Variants in FNBP1 observed in about 807,000 individuals in gnomAD.
The protein encoded by FNBP1 is formin binding protein 1.
A neutral mutation model predicts 90.6 loss-of-function variants in FNBP1; 26 were observed. The observed-to-expected ratio is 0.29, with a 90% CI of 0.21 to 0.40. The LOEUF (loss-of-function observed/expected upper bound fraction) is 0.40, where lower values mean the gene tolerates loss of function less well. Among genes scored for constraint, FNBP1 ranks in the 10% least tolerant of loss-of-function variants. The pLI is 1.00. For synonymous variants in FNBP1, 260 were observed against 265.2 expected (o/e 0.98, Z 0.19); for missense variants, 635 against 768.0 (o/e 0.83, Z 2.05).
At chr9:129,901,057 A>C in intron 13 of FNBP1, among the ~76,000 whole-genome samples, 1 of 141,616 alleles carries the variant, frequency 7.1e-6, no homozygotes, top group East Asian at 2.2e-4. Flanking sequence ...TTAAAAATTA[A>C]AGTAGATAAA....
At chr9:130,052,803 A>T in the FNBP1 span, among the ~76,000 whole-genome samples, 3,049 of 152,118 alleles carry the variant, frequency 0.02, 101 homozygotes, top group African/African-American at 0.07. Flanking sequence ...ATGCCACTTA[A>T]CTTTAAAAGA....
chr9:129,891,638 CT>C (rs2035116935), intron 16 of FNBP1, among the ~76,000 whole-genome samples: 1 of 152,096 alleles, frequency 6.6e-6, no homozygotes, highest in Non-Finnish European at 1.5e-5. Context: ...CCGTGAAAAG[CT>C]CTTCATCTCA....
intron 4 of FNBP1, among the ~76,000 whole-genome samples, chr9:129,972,383 C>G (rs141617549): frequency 6.6e-6 from 1 of 152,286 alleles, no homozygotes; most frequent in Admixed American, 6.5e-5. Context: ...ATCCACTCGC[C>G]TCGGCCTCCC....
intron 1 of FNBP1, among the ~76,000 whole-genome samples, chr9:130,012,679 G>A (rs182988365): frequency 1.3e-3 from 197 of 152,184 alleles, no homozygotes; most frequent in South Asian, 2.3e-3. Flanking sequence ...TCGCTCTGTC[G>A]CCCAGGCTGG....
At chr9:129,923,510 T>G (rs1588574470) in intron 10 of FNBP1, among the ~76,000 whole-genome samples, 1 of 140,990 alleles carries the variant, frequency 7.1e-6, no homozygotes, top group African/African-American at 2.7e-5. Flanking sequence ...ACCCGGGAGG[T>G]GGAGGTTGCA....
chr9:129,987,183 C>T (rs7864365), intron 2 of FNBP1, among the ~76,000 whole-genome samples: 147,257 of 152,030 alleles, frequency 0.97, 71,518 homozygotes, highest in East Asian at 1. Context: ...GTCAAAGTGC[C>T]GTAAAGTATG....
chr9:130,030,537 A>G (rs1456365870), intron 1 of FNBP1, among the ~76,000 whole-genome samples: 1 of 152,152 alleles, frequency 6.6e-6, no homozygotes, highest in African/African-American at 2.4e-5. Flanking sequence ...CATCTATAAA[A>G]CAGACTCTAT....
At chr9:130,044,259 T>C (rs1203276129), upstream of FNBP1, among the ~76,000 whole-genome samples, 2 of 152,160 alleles carry the variant, frequency 1.3e-5, no homozygotes, top group Non-Finnish European at 2.9e-5. Flanking sequence ...AGTTAAAAAA[T>C]ATTTTACGAT....
Position 129,895,690 on chromosome 9 carries a change from C to T in FNBP1, c.1846+148G>A. On this transcript the variant is annotated intron_variant, in intron 16 of 16. Coordinates refer to ENST00000446176, the MANE Select transcript of FNBP1 (RefSeq NM_015033.3). Reference sequence around the variant, plus strand: ...AATTCAGGTGCCCAGACCCTGAAGTCCACGTGAGACTACAGGAGAACGTGC... The same window carrying T: ...AATTCAGGTGCCCAGACCCTGAAGTTCACGTGAGACTACAGGAGAACGTGC... 2.3e-6 allele frequency: 3 copies of T among 1,311,142 alleles called. No homozygotes were observed. The South Asian group carries it at 7.0e-5, about 30-fold the overall frequency. 81.2% of individuals were successfully genotyped at this position (1,311,142 alleles called of 1,614,324 possible).
chr9:129,945,192 T>G (rs1203687121), intron 6 of FNBP1, among the ~76,000 whole-genome samples: 1 of 152,216 alleles, frequency 6.6e-6, no homozygotes. Context: ...AATCTTTCAT[T>G]TGAACCTTGA....
intron 10 of FNBP1, 40 bp from the exon 11 acceptor site, chr9:129,916,020 GAAAGAGAGAGAGA>G: frequency 6.8e-7 from 1 of 1,462,362 alleles, no homozygotes; most frequent in South Asian, 1.2e-5. Flanking sequence ...AAAATAGAGA[GAAAGAGAGAGAGA>G]AAGAGAAAAA....
intron 1 of FNBP1, among the ~76,000 whole-genome samples, chr9:130,016,336 C>T (rs2057235368): frequency 6.6e-6 from 1 of 152,158 alleles, no homozygotes; most frequent in Admixed American, 6.6e-5. Flanking sequence ...AGGAGGTGCT[C>T]TTGGCATTGT....
At chr9:129,956,662 C>T (rs1323889020) in intron 6 of FNBP1, among the ~76,000 whole-genome samples, 1 of 152,154 alleles carries the variant, frequency 6.6e-6, no homozygotes, top group East Asian at 1.9e-4. Context: ...AGCAGTGAGA[C>T]TATTGCTCTA....
chr9:129,988,460 C>T (rs1052334509), intron 2 of FNBP1, among the ~76,000 whole-genome samples: 4 of 152,084 alleles, frequency 2.6e-5, no homozygotes, highest in Admixed American at 1.3e-4. Context: ...AGGTGGATCA[C>T]AAGGTCAGGA....
chr9:129,965,051 G>A (rs1031313584), intron 4 of FNBP1, among the ~76,000 whole-genome samples: 9 of 152,198 alleles, frequency 5.9e-5, no homozygotes, highest in African/African-American at 2.2e-4. Context: ...TAAACTCACA[G>A]CGTAGTAGTG....
rs11794733 is a variant in FNBP1 at position 129,957,282 on chromosome 9, C to T, written c.513+78G>A. The T allele has an allele frequency of 2.0e-6, 2 of 1,014,394 alleles. No homozygotes were observed. The highest frequency in any genetic ancestry group is 2.6e-5 in the South Asian group (2 of 76,022). 62.8% of individuals were successfully genotyped at this position (1,014,394 alleles called of 1,614,324 possible). ...CGAACTCCTGGCCTCAGGTGATCCG[C>T]TCACCTCAGCCTCCCAAAGTGCTGG... On this transcript the variant is annotated intron_variant, in intron 6 of 16. Transcript: ENST00000446176. The surrounding 1 kb of genome is among the most constrained non-coding windows in gnomAD (Gnocchi z 4.3).
intron 1 of FNBP1, among the ~76,000 whole-genome samples, chr9:129,998,514 C>CAA (rs201736097): frequency 1.8e-4 from 25 of 138,732 alleles, no homozygotes; most frequent in African/African-American, 5.5e-4. Flanking sequence ...AACTCCACCT[C>CAA]AAAAAAAAAA....
intron 6 of FNBP1, among the ~76,000 whole-genome samples, chr9:129,946,041 C>T (rs1197040285): frequency 2.6e-5 from 4 of 151,956 alleles, no homozygotes; most frequent in African/African-American, 4.8e-5. Flanking sequence ...TAGTGGCGTA[C>T]GCCTGTAGTC....
intron 4 of FNBP1, among the ~76,000 whole-genome samples, chr9:129,959,943 C>A (rs1016004741): frequency 6.6e-6 from 1 of 152,098 alleles, no homozygotes; most frequent in African/African-American, 2.4e-5. Context: ...TGTTCATTAT[C>A]TCCTCATATC....
Sources: allele counts gnomAD v4.1 joint callset (sites outside exome capture counted in the v4.1 genomes callset), GRCh38; gene constraint gnomAD v4.1.1; non-coding constraint Gnocchi (gnomAD v3.1); transcripts MANE v1.5; gene names NCBI Gene and HGNC (gene_info 2026-07-23, HGNC 2026-07-21).